The following TARBP1 variants were observed in gnomAD, a reference collection of about 807,000 sequenced individuals.
TARBP1 encodes the protein tRNA guanosine 2 -O-methyltransferase TARBP1, also known as tRNA (guanosine(18)-2'-O)-methyltransferase TARBP1.
TARBP1 carries 144 observed loss-of-function variants against 178.6 expected under a neutral mutation model. The ratio of observed to expected loss-of-function variants is 0.81; its 90% CI spans 0.70 to 0.93. TARBP1 has a LOEUF of 0.93. Among genes scored for constraint, TARBP1 ranks in the 40% least tolerant of loss-of-function variants. The pLI, the probability that TARBP1 is intolerant of heterozygous loss-of-function variation, is 0.00. For missense variants in TARBP1, 2,067 were observed against 2,011.7 expected, an observed-to-expected ratio of 1.03 and a Z score of -0.53; for synonymous variants, 787 against 781.0, an observed-to-expected ratio of 1.01 and a Z score of -0.13.
intron 1 of TARBP1, among the ~76,000 whole-genome samples, chr1:234,476,039 C>T (rs924821303): frequency 6.6e-6 from 1 of 152,194 alleles, no homozygotes; most frequent in Non-Finnish European, 1.5e-5. Flanking sequence ...AAAAAAGCGA[C>T]TCCATAGCCA....
At chr1:234,403,251 T>C (rs1386480404) in intron 24 of TARBP1, among the ~76,000 whole-genome samples, 1 of 152,212 alleles carries the variant, frequency 6.6e-6, no homozygotes, top group African/African-American at 2.4e-5. Context: ...GTTAAAGCTC[T>C]GGGCAAATCA....
At chr1:234,420,246 T>C (rs1662933356) in intron 21 of TARBP1, among the ~76,000 whole-genome samples, 1 of 152,218 alleles carries the variant, frequency 6.6e-6, no homozygotes, top group East Asian at 1.9e-4. Flanking sequence ...GGTCACACTA[T>C]TCATGAAGTT....
intron 12 of TARBP1, among the ~76,000 whole-genome samples, chr1:234,445,689 C>T (rs983982272): frequency 3.3e-5 from 5 of 152,110 alleles, no homozygotes; most frequent in South Asian, 2.1e-4. Context: ...AATTCATGGA[C>T]GTAATAAAAT....
rs1669840124 is a variant in TARBP1 at position 234,478,778 on chromosome 1, C to A, written c.326G>T (p.Arg109Leu). ...CGCCAGCTGCGGACGCCCGGCCAGG[C>A]GGACGCACGAGCGCAGGGCCGCGCC... The part of the protein sequence containing the change: ...AAGAALRSCV[R>L]LAGRPQLAAA... The change falls in exon 1 of 30, where the codon CGC becomes CTC. Residue 109 changes from arginine (R) to leucine (L), a missense_variant. By Grantham distance (102) the Arg-to-Leu change is moderately radical (BLOSUM62 -2). Coordinates refer to ENST00000040877, the MANE Select transcript of TARBP1 (RefSeq NM_005646.4). The A allele has an allele frequency of 9.0e-6, 10 of 1,113,318 alleles. No individual in the cohort carries two copies. In the South Asian group the frequency reaches 3.2e-4, roughly 36 times the overall value. 69.0% of individuals were successfully genotyped at this position (1,113,318 alleles called of 1,614,324 possible). A position where few individuals can be genotyped will look rare whatever the true frequency, so the allele number is the denominator to read the frequency against.
chr1:234,399,846 G>T (rs1231874298), intron 25 of TARBP1, among the ~76,000 whole-genome samples: 1 of 140,170 alleles, frequency 7.1e-6, no homozygotes, highest in African/African-American at 2.6e-5. Context: ...GAGAACACAC[G>T]GACACAGGAA....
At chr1:234,415,727 T>G (rs529599256) in intron 22 of TARBP1, among the ~76,000 whole-genome samples, 1 of 152,312 alleles carries the variant, frequency 6.6e-6, no homozygotes, top group South Asian at 2.1e-4. Flanking sequence ...CAGCTGGCTA[T>G]AGCAAAGCCC....
intron 25 of TARBP1, among the ~76,000 whole-genome samples, chr1:234,400,545 A>G (rs1009077747): frequency 6.6e-6 from 1 of 152,236 alleles, no homozygotes; most frequent in Admixed American, 6.5e-5. Context: ...AGTTCTTCAG[A>G]GGAAAAGCCC....
intron 23 of TARBP1, 95 bp from the exon 24 acceptor site, chr1:234,406,194 G>T: frequency 2.6e-6 from 3 of 1,153,166 alleles, no homozygotes; most frequent in Non-Finnish European, 2.5e-6. Flanking sequence ...TGATACAACT[G>T]CTCCTAGTAA....
At chr1:234,476,411 CG>C (rs1246898254) in intron 1 of TARBP1, among the ~76,000 whole-genome samples, 3 of 152,132 alleles carry the variant, frequency 2.0e-5, no homozygotes, top group African/African-American at 7.2e-5. Flanking sequence ...AAGGGAATCC[CG>C]GGGTAAGCGT....
chr1:234,393,891 T>TGG, intron 26 of TARBP1, 54 bp from the exon 27 acceptor site: 1 of 1,288,964 alleles, frequency 7.8e-7, no homozygotes, highest in Non-Finnish European at 1.1e-6. Flanking sequence ...AATCTCTATA[T>TGG]ATTTATGTAT....
chr1:234,465,159 G>A (rs1245921924), intron 5 of TARBP1, among the ~76,000 whole-genome samples: 1 of 152,112 alleles, frequency 6.6e-6, no homozygotes, highest in Non-Finnish European at 1.5e-5. Flanking sequence ...AGTAGACAAA[G>A]CTAAGAAAGA....
At chr1:234,472,329 C>CAAAAAA (rs1160411119) in intron 2 of TARBP1, among the ~76,000 whole-genome samples, 4 of 46,080 alleles carry the variant, frequency 8.7e-5, no homozygotes, top group Non-Finnish European at 1.3e-4. Flanking sequence ...ACTCTGTCTC[C>CAAAAAA]AAAAAAAAAA....
chr1:234,410,398 C>T lies in TARBP1; in HGVS notation c.3792+47G>A, dbSNP rs201016813. The stretch of plus-strand genomic sequence containing the variant: ...TATAAAAAATTGGTACAAATACATA[C>T]AATTCTTTTTTTACAGTCAAGTTTA... On this transcript the variant is annotated intron_variant, in intron 23 of 29. Coordinates refer to ENST00000040877, the MANE Select transcript of TARBP1 (RefSeq NM_005646.4). 244 of 1,186,162 alleles carry T rather than the reference C, an allele frequency of 2.1e-4. 4 individuals carry two copies. The South Asian group carries it at 2.2e-3, about 11-fold the overall frequency. 73.5% of individuals were successfully genotyped at this position (1,186,162 alleles called of 1,614,324 possible).
At chr1:234,477,362 A>T (rs1669662797) in intron 1 of TARBP1, among the ~76,000 whole-genome samples, 1 of 152,368 alleles carries the variant, frequency 6.6e-6, no homozygotes, top group South Asian at 2.1e-4. Flanking sequence ...TGAAAATATA[A>T]CCTCATAACT....
intron 10 of TARBP1, among the ~76,000 whole-genome samples, chr1:234,449,573 G>A (rs576871790): frequency 6.6e-6 from 1 of 152,100 alleles, no homozygotes; most frequent in African/African-American, 2.4e-5. Flanking sequence ...ATCTTCCAAT[G>A]TAACAGCATA....
intron 9 of TARBP1, among the ~76,000 whole-genome samples, chr1:234,453,070 G>C (rs1666940101): frequency 6.6e-6 from 1 of 152,150 alleles, no homozygotes; most frequent in Admixed American, 6.5e-5. Context: ...GGGATGAACA[G>C]GCAGAGCACA....
intron 25 of TARBP1, chr1:234,400,461 A>T (rs1660567093): frequency 6.6e-6 from 1 of 152,004 alleles, no homozygotes; most frequent in African/African-American, 2.4e-5. Context: ...TTTACAGATC[A>T]GTTTATCAAT....
intron 12 of TARBP1, among the ~76,000 whole-genome samples, chr1:234,442,543 A>G (rs186439161): frequency 7.2e-5 from 11 of 152,316 alleles, no homozygotes; most frequent in Admixed American, 6.5e-4. Flanking sequence ...AAATGATTGG[A>G]AAGTAAAAGC....
chr1:234,433,602 C>T, intron 13 of TARBP1, 31 bp from the exon 14 acceptor site: 1 of 1,576,780 alleles, frequency 6.3e-7, no homozygotes, highest in Non-Finnish European at 8.6e-7. Context: ...CTTAAGGGTA[C>T]AAGCAAGGTC....
Sources: gnomAD v4.1 joint callset for allele counts (sites outside exome capture counted in the v4.1 genomes callset) on GRCh38, gnomAD v4.1.1 for gene constraint, MANE v1.5 for transcripts, NCBI Gene and HGNC (gene_info 2026-07-23, HGNC 2026-07-21) for gene names.